MYH14: variants seen among roughly 807,000 people sequenced by gnomAD.
The protein encoded by MYH14 is myosin-14.
In MYH14, 123 loss-of-function variants were observed where a neutral mutation model predicts 255.5. That is an observed-to-expected ratio of 0.48 (90% CI 0.42 to 0.56). The LOEUF is 0.56. Ranked by LOEUF, MYH14 falls within the 20% of genes least tolerant of loss-of-function variation. The probability of loss-of-function intolerance (pLI) is 0.00; values close to 1 mark genes in which losing one functional copy is unlikely to be tolerated. For missense variants in MYH14, 2,423 were observed against 2,802.3 expected, an observed-to-expected ratio of 0.86 and a Z score of 3.06; for synonymous variants, 1,095 against 1,161.2, an observed-to-expected ratio of 0.94 and a Z score of 1.16.
chr19:50,267,253 T>C (rs2035122195), intron 23 of MYH14, among the ~76,000 whole-genome samples: 1 of 127,598 alleles, frequency 7.8e-6, no homozygotes, highest in Non-Finnish European at 1.6e-5. Context: ...ATGGGCCGGG[T>C]AGGGGTGGGG....
intron 2 of MYH14, among the ~76,000 whole-genome samples, chr19:50,212,175 T>G (rs1378010909): frequency 6.6e-6 from 1 of 152,168 alleles, no homozygotes; most frequent in Non-Finnish European, 1.5e-5. Flanking sequence ...ATTTGGGGAA[T>G]TCTTAGAAAA....
chr19:50,237,755 G>C (rs2033726083), intron 10 of MYH14, among the ~76,000 whole-genome samples: 1 of 152,230 alleles, frequency 6.6e-6, no homozygotes, highest in Non-Finnish European at 1.5e-5. Context: ...GATGGCTGGA[G>C]CTTTTTTGTC....
chr19:50,270,167 G>A (rs532576721), intron 24 of MYH14, among the ~76,000 whole-genome samples: 6 of 152,192 alleles, frequency 3.9e-5, no homozygotes, highest in African/African-American at 1.4e-4. Flanking sequence ...AGGCTGCAGT[G>A]AGCTGTGATG....
chr19:50,244,523 A>T (rs1221482905), intron 11 of MYH14, among the ~76,000 whole-genome samples, 186 bp downstream of exon 11: 2 of 126,038 alleles, frequency 1.6e-5, no homozygotes, highest in East Asian at 4.6e-4. Flanking sequence ...TCGCTCTGTC[A>T]CCCAGGCTGG....
intron 21 of MYH14, 58 bp downstream of exon 21, chr19:50,261,693 T>C: frequency 6.7e-7 from 1 of 1,490,032 alleles, no homozygotes; most frequent in Non-Finnish European, 9.0e-7. Context: ...CAGGGAGGGG[T>C]TGACCAGATG....
intron 19 of MYH14, among the ~76,000 whole-genome samples, chr19:50,259,898 TAAAG>T (rs1167855645): frequency 1.3e-5 from 2 of 151,044 alleles, no homozygotes; most frequent in South Asian, 2.1e-4. Context: ...AATAAGTAAA[TAAAG>T]AAGTAGAATA....
chr19:50,300,387 A>C (rs1224809663), intron 39 of MYH14, among the ~76,000 whole-genome samples: 1 of 152,194 alleles, frequency 6.6e-6, no homozygotes, highest in African/African-American at 2.4e-5. Context: ...AAACTAGCAG[A>C]ATATTTATTA....
chr19:50,224,902 C>G (rs1345271817), intron 6 of MYH14: 1 of 454,532 alleles, frequency 2.2e-6, no homozygotes, highest in Non-Finnish European at 4.4e-6. Flanking sequence ...GCCAGGAGTT[C>G]AAGACCAGGC....
intron 3 of MYH14, among the ~76,000 whole-genome samples, chr19:50,222,523 C>CTGATTCAA (rs1436535403): frequency 6.7e-6 from 1 of 148,576 alleles, no homozygotes; most frequent in Non-Finnish European, 1.5e-5. Flanking sequence ...TATTCTAGTA[C>CTGATTCAA]TGATTCAATT....
chr19:50,269,483 A>T (rs550981730), intron 24 of MYH14, among the ~76,000 whole-genome samples: 4 of 152,312 alleles, frequency 2.6e-5, no homozygotes, highest in Admixed American at 2.0e-4. Flanking sequence ...TGCCCGGCCC[A>T]GTAGTGTTTT....
intron 40 of MYH14, 135 bp downstream of exon 40, chr19:50,302,004 A>T: frequency 1.4e-6 from 1 of 699,960 alleles, no homozygotes; most frequent in South Asian, 1.8e-5. Context: ...CTGGCCTGGC[A>T]TGGTGGCTCA....
Position 50,276,344 on chromosome 19 carries a change from G to A in MYH14, c.3680+141G>A. 2 of 728,290 alleles carry A rather than the reference G, an allele frequency of 2.7e-6. No homozygotes were observed. Among genetic ancestry groups the A allele is most frequent in the South Asian group, 2.0e-5 (1 of 49,296 alleles). 45.1% of individuals were successfully genotyped at this position (728,290 alleles called of 1,614,324 possible). A position where few individuals can be genotyped will look rare whatever the true frequency, so the allele number is the denominator to read the frequency against. On this transcript the variant is annotated intron_variant, in intron 28 of 42. Transcript: ENST00000642316. The surrounding 1 kb of genome is among the most constrained non-coding windows in gnomAD (Gnocchi z 4.3). Reference sequence around the variant, plus strand: ...AACCACCGGCTCTAGGTCCGGCCTGGGTCAAGCTGGGGACAGAGATGGGTC... The same window carrying A: ...AACCACCGGCTCTAGGTCCGGCCTGAGTCAAGCTGGGGACAGAGATGGGTC...
At chr19:50,268,983 T>A (rs1257871014) in intron 24 of MYH14, among the ~76,000 whole-genome samples, 1 of 152,210 alleles carries the variant, frequency 6.6e-6, no homozygotes, top group African/African-American at 2.4e-5. Flanking sequence ...AAATACTTGA[T>A]CTGTATTTCT....
chr19:50,227,542 A>C (rs2123220454), intron 8 of MYH14, among the ~76,000 whole-genome samples: 1 of 152,174 alleles, frequency 6.6e-6, no homozygotes, highest in South Asian at 2.1e-4. Context: ...GTTTGCACAA[A>C]CCCTTTAGGT....
intron 10 of MYH14, among the ~76,000 whole-genome samples, chr19:50,236,568 C>T (rs187839258): frequency 1.3e-5 from 2 of 151,836 alleles, no homozygotes; most frequent in African/African-American, 2.4e-5. Context: ...ATTAGCTGGG[C>T]GTGGTGGCAC....
chr19:50,278,703 CAAAAT>C (rs1437311947), intron 30 of MYH14, among the ~76,000 whole-genome samples: 1 of 149,454 alleles, frequency 6.7e-6, no homozygotes, highest in African/African-American at 2.5e-5. Context: ...GATCCTGTCT[CAAAAT>C]AATAATAATA....
At position 50,267,017 on chromosome 19, in the gene MYH14, G is replaced by T. The variant is rs758025898; in HGVS notation, c.2826+9G>T. The T allele has an allele frequency of 2.6e-6, 4 of 1,551,278 alleles. No individual in the cohort carries two copies. The African/African-American group carries it at 4.1e-5, about 16-fold the overall frequency. On this transcript the variant is annotated intron_variant, in intron 23 of 42. Coordinates refer to ENST00000642316, the MANE Select transcript of MYH14 (RefSeq NM_001145809.2). The stretch of plus-strand genomic sequence containing the variant: ...AGGGCCGAGTGGCACAGGTGAGGGG[G>T]CGGGGGCAGGGCGTGGGGGCGTGTC...
chr19:50,214,521 C>T (rs1049973182), intron 2 of MYH14, among the ~76,000 whole-genome samples: 11 of 152,050 alleles, frequency 7.2e-5, no homozygotes, highest in Non-Finnish European at 1.3e-4. Context: ...CTGAGAAACA[C>T]GGAAGATGCA....
rs2034344534 is a variant in MYH14, at chr19:50,250,842, AT to A, written c.1830+156del. On this transcript the variant is annotated intron_variant, in intron 15 of 42. Transcript: ENST00000642316. The surrounding 1 kb of genome is among the most constrained non-coding windows in gnomAD (Gnocchi z 5.4). ...TAGGAGAGCCCAGGGAGGAGCAAGG[AT>A]TCTGTCTGATGGGATCACCAAAAAC... Among the ~76,000 whole-genome samples the A allele has an allele frequency of 6.6e-6, 1 of 152,160 alleles. No individual in the cohort carries two copies. The highest frequency in any genetic ancestry group is 1.5e-5 in the Non-Finnish European group (1 of 68,018).
Sources: gnomAD v4.1 joint callset for allele counts (sites outside exome capture counted in the v4.1 genomes callset) on GRCh38, gnomAD v4.1.1 for gene constraint, Gnocchi (gnomAD v3.1) non-coding constraint, MANE v1.5 for transcripts, NCBI Gene and HGNC (gene_info 2026-07-23, HGNC 2026-07-21) for gene names.